Variants in VWA8 observed in about 807,000 individuals in gnomAD.
The protein encoded by VWA8 is von Willebrand factor A domain containing 8, also known as von Willebrand factor A domain-containing protein 8.
In VWA8, 221 loss-of-function variants were observed where a neutral mutation model predicts 241.5. The ratio of observed to expected loss-of-function variants is 0.91; its 90% CI spans 0.82 to 1.02. The LOEUF is 1.02. VWA8 is among the 50% of genes least tolerant of loss of function. The pLI is 0.00. For missense variants in VWA8, 2,322 were observed against 2,328.7 expected, an observed-to-expected ratio of 1.00 and a Z score of 0.06; for synonymous variants, 852 against 827.1, an observed-to-expected ratio of 1.03 and a Z score of -0.52.
At chr13:41,727,114 T>C in intron 24 of VWA8, 80 bp downstream of exon 24, 1 of 1,132,180 alleles carries the variant, frequency 8.8e-7, no homozygotes, top group Admixed American at 2.8e-5. Context: ...ATGATAAGCA[T>C]TCAATGACAG....
At chr13:41,769,412 A>G (rs1208949734) in intron 20 of VWA8, among the ~76,000 whole-genome samples, 1 of 152,260 alleles carries the variant, frequency 6.6e-6, no homozygotes. Flanking sequence ...AGATAAAGCA[A>G]GATAGACAAA....
rs368678305 is a variant in VWA8 at position 41,701,477 on chromosome 13, T to C, written c.3279A>G (p.Arg1093=). 1.2e-6 allele frequency: 2 copies of C among 1,612,058 alleles called. No individual in the cohort carries two copies. The highest frequency in any genetic ancestry group is 2.7e-5 in the African/African-American group (2 of 74,834). Residue 1093 remains arginine (R), a synonymous_variant, in exon 28 of 45, where the codon AGA becomes AGG. Transcript: ENST00000379310. ...QEYPIERHEE[R]SLNFTEECAS... is the part of the protein sequence containing the mutation. ...CACATTCTTCAGTAAAGTTTAGGGATCTTTCTTCATGTCTTTCTATTGGAT... is the reference window on the plus strand; with the variant it reads ...CACATTCTTCAGTAAAGTTTAGGGACCTTTCTTCATGTCTTTCTATTGGAT...
intron 21 of VWA8, among the ~76,000 whole-genome samples, chr13:41,748,668 C>T (rs1010930432): frequency 6.6e-5 from 10 of 151,948 alleles, no homozygotes; most frequent in East Asian, 5.8e-4. Flanking sequence ...GAGATATAGA[C>T]CAATGGAACA....
intron 21 of VWA8, among the ~76,000 whole-genome samples, chr13:41,737,347 A>C (rs1157409785): frequency 6.6e-6 from 1 of 152,274 alleles, no homozygotes. Flanking sequence ...AAAAAGAATT[A>C]TCACTAATAA....
At chr13:41,807,153 A>G (rs1235232637) in intron 17 of VWA8, among the ~76,000 whole-genome samples, 1 of 152,190 alleles carries the variant, frequency 6.6e-6, no homozygotes, top group African/African-American at 2.4e-5. Context: ...GAAATAGAAA[A>G]TGTGAACAAA....
At chr13:41,949,506 A>C (rs1878023170) in intron 2 of VWA8, among the ~76,000 whole-genome samples, 1 of 152,176 alleles carries the variant, frequency 6.6e-6, no homozygotes, top group South Asian at 2.1e-4. Flanking sequence ...GAATAGCATT[A>C]GGAGAAGTAT....
intron 37 of VWA8, among the ~76,000 whole-genome samples, chr13:41,664,648 G>A (rs548431799): frequency 8.2e-4 from 124 of 152,092 alleles, no homozygotes; most frequent in African/African-American, 2.7e-3. Flanking sequence ...ATGTCTCAAC[G>A]GCCTGGACAG....
At chr13:41,777,555 T>C (rs900875263) in intron 20 of VWA8, among the ~76,000 whole-genome samples, 4 of 152,142 alleles carry the variant, frequency 2.6e-5, no homozygotes, top group East Asian at 1.9e-4. Flanking sequence ...CTAACAGAAA[T>C]GGGGAGCCAA....
chr13:41,578,222 TTGTC>T (rs1442411660), intron 42 of VWA8, among the ~76,000 whole-genome samples: 1 of 152,168 alleles, frequency 6.6e-6, no homozygotes, highest in Non-Finnish European at 1.5e-5. Context: ...AGACCAGCCT[TTGTC>T]TGTGCCTGGT....
At chr13:41,627,074 CA>C (rs934550576) in intron 37 of VWA8, among the ~76,000 whole-genome samples, 1 of 150,742 alleles carries the variant, frequency 6.6e-6, no homozygotes, top group Non-Finnish European at 1.5e-5. Flanking sequence ...AATCAACAAG[CA>C]AAAAAAACAA....
chr13:41,819,102 G>T, intron 15 of VWA8, 116 bp downstream of exon 15: 1 of 1,033,156 alleles, frequency 9.7e-7, no homozygotes, highest in Non-Finnish European at 1.4e-6. Context: ...AAGAAATTTG[G>T]GAGTAAATGG....
At chr13:41,893,181 A>AG (rs1566497163) in intron 4 of VWA8, among the ~76,000 whole-genome samples, 1 of 152,174 alleles carries the variant, frequency 6.6e-6, no homozygotes, top group Non-Finnish European at 1.5e-5. Context: ...TGGAGTAGCA[A>AG]TGTACTGATT....
chr13:41,842,136 A>T (rs563657228), intron 12 of VWA8, among the ~76,000 whole-genome samples: 34 of 152,208 alleles, frequency 2.2e-4, no homozygotes, highest in African/African-American at 7.9e-4. Flanking sequence ...TAGTGGCAGC[A>T]GAATGCTACA....
intron 10 of VWA8, among the ~76,000 whole-genome samples, chr13:41,867,901 T>TAA (rs959853145): frequency 3.3e-5 from 5 of 152,146 alleles, no homozygotes; most frequent in Admixed American, 6.6e-5. Context: ...GATATATATA[T>TAA]AACATATATA....
At chr13:41,618,773 C>T (rs2044638006) in intron 37 of VWA8, among the ~76,000 whole-genome samples, 1 of 152,158 alleles carries the variant, frequency 6.6e-6, no homozygotes, top group South Asian at 2.1e-4. Context: ...TGTCAAAGAT[C>T]AGATGGTTGT....
intron 26 of VWA8, among the ~76,000 whole-genome samples, chr13:41,715,192 C>T (rs1039228673): frequency 6.6e-5 from 10 of 151,778 alleles, no homozygotes; most frequent in Admixed American, 2.6e-4. Context: ...ATGTCTGGTA[C>T]GTAGTTATCT....
chr13:41,717,372 C>T (rs2045354532), intron 26 of VWA8, among the ~76,000 whole-genome samples: 1 of 151,778 alleles, frequency 6.6e-6, no homozygotes, highest in South Asian at 2.1e-4. Flanking sequence ...AAAAGGCCCT[C>T]TGTACCAATA....
intron 4 of VWA8, among the ~76,000 whole-genome samples, chr13:41,894,296 T>C (rs1424064465): frequency 6.6e-6 from 1 of 152,228 alleles, no homozygotes; most frequent in East Asian, 1.9e-4. Flanking sequence ...GAACAAGCTA[T>C]GCAGAGAGAT....
intron 41 of VWA8, among the ~76,000 whole-genome samples, chr13:41,589,768 C>G (rs576145589): frequency 6.6e-6 from 1 of 152,278 alleles, no homozygotes; most frequent in East Asian, 1.9e-4. Context: ...GGTCACAAAC[C>G]ATTGCTTTGT....
Sources: gnomAD v4.1 joint callset for allele counts (sites outside exome capture counted in the v4.1 genomes callset) on GRCh38, gnomAD v4.1.1 for gene constraint, MANE v1.5 for transcripts, NCBI Gene and HGNC (gene_info 2026-07-23, HGNC 2026-07-21) for gene names.